Variants in VWA5B1 observed in about 807,000 individuals in gnomAD.
The protein encoded by VWA5B1 is von Willebrand factor A domain containing 5B1.
A neutral mutation model predicts 118.2 loss-of-function variants in VWA5B1; 115 were observed. The ratio of observed to expected loss-of-function variants is 0.97; its 90% CI spans 0.84 to 1.14. VWA5B1 has a LOEUF of 1.14. Ranked by LOEUF, VWA5B1 falls within the 50% of genes most tolerant of loss-of-function variation. The pLI, the probability that VWA5B1 is intolerant of heterozygous loss-of-function variation, is 0.00. For missense variants in VWA5B1, 1,596 were observed against 1,603.8 expected (o/e 1.00, Z 0.08); for synonymous variants, 682 against 658.4 (o/e 1.04, Z -0.55).
chr1:20,314,703 C>T (rs2088952588), intron 4 of VWA5B1, 111 bp downstream of exon 4: 2 of 1,466,636 alleles, frequency 1.4e-6, no homozygotes, highest in East Asian at 2.5e-5. Flanking sequence ...GATGGGGAGG[C>T]TCTGCTCTAC....
intron 8 of VWA5B1, among the ~76,000 whole-genome samples, chr1:20,327,594 G>C (rs571771113): frequency 6.6e-6 from 1 of 151,768 alleles, no homozygotes; most frequent in Non-Finnish European, 1.5e-5. Context: ...TAATAGAAAG[G>C]CTTTAAGAAA....
Position 20,319,611 on chromosome 1 carries a change from A to C in VWA5B1, c.966+105A>C, listed in dbSNP as rs568248283. 1.2e-5 allele frequency: 18 copies of C among 1,475,878 alleles called. No individual in the cohort carries two copies. The African/African-American group carries it at 1.5e-4, about 13-fold the overall frequency. 91.4% of individuals were successfully genotyped at this position (1,475,878 alleles called of 1,614,324 possible). Reference sequence around the variant, plus strand: ...GTGGGGAGGTAACCTGCCCGAGGTCATCCAGCAAGCTGGAGGCAGACACCA... The same window carrying C: ...GTGGGGAGGTAACCTGCCCGAGGTCCTCCAGCAAGCTGGAGGCAGACACCA... On this transcript the variant is annotated intron_variant, in intron 7 of 21. Coordinates refer to ENST00000289815, the MANE Select transcript of VWA5B1 (RefSeq NM_001039500.3).
In VWA5B1 at chr1:20,357,427, C is replaced by A. The variant is rs1281289438; in HGVS notation, c.*3164C>A. Among the ~76,000 whole-genome samples, 5 of 152,222 alleles carry A rather than the reference C, an allele frequency of 3.3e-5. No individual in the cohort carries two copies. Among genetic ancestry groups the A allele is most frequent in the Non-Finnish European group, 5.9e-5 (4 of 68,048 alleles). On this transcript the variant is annotated 3_prime_UTR_variant, in exon 22 of 22. Transcript: ENST00000289815. ...GACAAACTTCTTTAGATTAGGACAA[C>A]CTGACCCGTTAATATGTTACTGTGC...
chr1:20,299,688 G>A (rs2088471124), intron 1 of VWA5B1, among the ~76,000 whole-genome samples: 1 of 152,232 alleles, frequency 6.6e-6, no homozygotes, highest in Non-Finnish European at 1.5e-5. Flanking sequence ...ACAGGCGTGA[G>A]CCACCACGCT....
At chr1:20,331,669 G>A (rs1212902001) in intron 11 of VWA5B1, among the ~76,000 whole-genome samples, 1 of 151,980 alleles carries the variant, frequency 6.6e-6, no homozygotes, top group Non-Finnish European at 1.5e-5. Flanking sequence ...TCAAAGTCAG[G>A]GATGTGCTGA....
intron 8 of VWA5B1, among the ~76,000 whole-genome samples, chr1:20,327,175 A>G (rs2089411899): frequency 6.6e-6 from 1 of 152,110 alleles, no homozygotes; most frequent in Admixed American, 6.5e-5. Context: ...GCAAAGTGAC[A>G]TGGCTTTGAG....
At chr1:20,345,034 A>G in intron 16 of VWA5B1, among the ~76,000 whole-genome samples, 1 of 152,208 alleles carries the variant, frequency 6.6e-6, no homozygotes, top group East Asian at 1.9e-4. Flanking sequence ...TGTCCTCAGC[A>G]GTTAAATGGG....
intron 9 of VWA5B1, among the ~76,000 whole-genome samples, chr1:20,329,235 T>G (rs2089471911): frequency 6.6e-6 from 1 of 151,756 alleles, no homozygotes; most frequent in African/African-American, 2.4e-5. Context: ...ACATACATCT[T>G]AAGACTTTTG....
At chr1:20,333,331 G>A (rs913049781) in intron 12 of VWA5B1, among the ~76,000 whole-genome samples, 1 of 152,210 alleles carries the variant, frequency 6.6e-6, no homozygotes, top group Non-Finnish European at 1.5e-5. Context: ...AACAAAATTA[G>A]CCAGACATGG....
intron 3 of VWA5B1, 77 bp downstream of exon 3, chr1:20,313,065 A>G (rs2088899570): frequency 2.7e-6 from 4 of 1,506,678 alleles, no homozygotes; most frequent in South Asian, 1.3e-5. Context: ...CCTCAGGCCA[A>G]CTGCAAGGAT....
At position 20,356,305 on chromosome 1, in the gene VWA5B1, G is replaced by A. The variant is rs994489665; in HGVS notation, c.*2042G>A. Among the ~76,000 whole-genome samples, 9 of 152,200 alleles carry A rather than the reference G, an allele frequency of 5.9e-5. No individual in the cohort carries two copies. Among genetic ancestry groups the A allele is most frequent in the Non-Finnish European group, 1.0e-4 (7 of 68,032 alleles). ...GGTTTCTCCTCCTAGGTGCCCTGGA[G>A]CTGGGGCTTTCTCCTGCTCTGACAG... On this transcript the variant is annotated 3_prime_UTR_variant, in exon 22 of 22. Transcript: ENST00000289815.
chr1:20,294,626 T>A (rs2100793615), intron 1 of VWA5B1, among the ~76,000 whole-genome samples: 1 of 152,284 alleles, frequency 6.6e-6, no homozygotes, highest in South Asian at 2.1e-4. Context: ...ATTACAGGCA[T>A]GCGCCACCAC....
intron 4 of VWA5B1, among the ~76,000 whole-genome samples, chr1:20,317,242 G>A (rs74057854): frequency 0.038 from 5,762 of 152,020 alleles, 349 homozygotes; most frequent in African/African-American, 0.13. Context: ...ATGGAAAGTG[G>A]AGACCCTGAA....
chr1:20,353,481 C>T (rs985239264), intron 21 of VWA5B1, among the ~76,000 whole-genome samples: 8 of 152,138 alleles, frequency 5.3e-5, no homozygotes, highest in South Asian at 2.1e-4. Flanking sequence ...GCTAGAGTTC[C>T]CTGCATTGCA....
intron 11 of VWA5B1, among the ~76,000 whole-genome samples, chr1:20,331,539 G>C (rs969356103): frequency 6.6e-6 from 1 of 152,196 alleles, no homozygotes; most frequent in Non-Finnish European, 1.5e-5. Context: ...CAGGCCAAGA[G>C]GCCAGTCCAA....
At chr1:20,306,363 TC>T (rs2088655491) in intron 1 of VWA5B1, among the ~76,000 whole-genome samples, 1 of 152,068 alleles carries the variant, frequency 6.6e-6, no homozygotes. Flanking sequence ...GTGGGGGCCA[TC>T]AGGGAGTTTG....
chr1:20,294,425 C>A (rs2100793242), intron 1 of VWA5B1: 1 of 152,302 alleles, frequency 6.6e-6, no homozygotes, highest in Non-Finnish European at 1.5e-5. Context: ...TAGTTTCTTT[C>A]TTACCTGTGT....
intron 1 of VWA5B1, among the ~76,000 whole-genome samples, chr1:20,306,991 C>T (rs1441530687): frequency 6.6e-6 from 1 of 152,170 alleles, no homozygotes; most frequent in Non-Finnish European, 1.5e-5. Context: ...GCCCTCCCTC[C>T]CTCTTCTCCC....
At chr1:20,295,040 T>C (rs1484072357) in intron 1 of VWA5B1, among the ~76,000 whole-genome samples, 1 of 152,140 alleles carries the variant, frequency 6.6e-6, no homozygotes, top group Non-Finnish European at 1.5e-5. Context: ...AGGATTTAGC[T>C]GAGCAAAGCT....
Sources: gnomAD v4.1 joint callset for allele counts (sites outside exome capture counted in the v4.1 genomes callset) on GRCh38, gnomAD v4.1.1 for gene constraint, MANE v1.5 for transcripts, NCBI Gene and HGNC (gene_info 2026-07-23, HGNC 2026-07-21) for gene names.